ANKIB1: variants seen among roughly 807,000 people sequenced by gnomAD.
ANKIB1 encodes the protein ankyrin repeat and IBR domain containing 1.
In ANKIB1, 43 loss-of-function variants were observed where a neutral mutation model predicts 122.1. The observed-to-expected ratio is 0.35, with a 90% CI of 0.28 to 0.45. The LOEUF (loss-of-function observed/expected upper bound fraction) is 0.45. ANKIB1 is among the 20% of genes least tolerant of loss of function. The probability of loss-of-function intolerance (pLI) is 1.00; values close to 1 mark genes in which losing one functional copy is unlikely to be tolerated. For synonymous variants in ANKIB1, 390 were observed against 442.0 expected (o/e 0.88, Z 1.48); for missense variants, 992 against 1,329.5 (o/e 0.75, Z 3.95).
chr7:92,377,799 A>T (rs1804417575), intron 11 of ANKIB1, among the ~76,000 whole-genome samples: 1 of 152,162 alleles, frequency 6.6e-6, no homozygotes, highest in Non-Finnish European at 1.5e-5. Context: ...ACCCATTCCC[A>T]TAGAAGGGGA....
intron 1 of ANKIB1, among the ~76,000 whole-genome samples, chr7:92,274,637 T>C (rs1801862680): frequency 2.6e-5 from 4 of 151,938 alleles, no homozygotes; most frequent in Non-Finnish European, 5.9e-5. Flanking sequence ...GAGAATCTGG[T>C]CATTCTTAAC....
At chr7:92,372,657 G>C (rs1804297247) in intron 11 of ANKIB1, among the ~76,000 whole-genome samples, 1 of 152,120 alleles carries the variant, frequency 6.6e-6, no homozygotes, top group Non-Finnish European at 1.5e-5. Context: ...GGTCAAAAAG[G>C]CTAGATAGAA....
In ANKIB1 at chr7:92,245,995, C is replaced by G. The variant is rs557209996; in HGVS notation, c.-615C>G. On this transcript the variant is annotated 5_prime_UTR_variant, in exon 1 of 20. Transcript: ENST00000265742. Reference sequence around the variant, plus strand: ...TTCCGGGTCGGCGGCCGGGCTGCTGCCGTTCCTGCTCCTTTTCACTGGACC... The same window carrying G: ...TTCCGGGTCGGCGGCCGGGCTGCTGGCGTTCCTGCTCCTTTTCACTGGACC... 4.2e-6 allele frequency: 1 copy of G among 235,620 alleles called. No homozygotes were observed. The highest frequency in any genetic ancestry group is 8.4e-6 in the Non-Finnish European group (1 of 119,450). The allele number at this position is 235,620 out of a possible 1,614,324, so 14.6% of individuals were successfully genotyped here.
intron 1 of ANKIB1, among the ~76,000 whole-genome samples, chr7:92,256,184 A>C (rs1352586659): frequency 6.6e-6 from 1 of 152,200 alleles, no homozygotes. Context: ...ACAACATTCT[A>C]GGAGCTTTAG....
chr7:92,309,962 T>TATATAAAA (rs1030276754), intron 3 of ANKIB1, among the ~76,000 whole-genome samples: 2 of 139,414 alleles, frequency 1.4e-5, no homozygotes, highest in African/African-American at 5.3e-5. Context: ...TATATATATA[T>TATATAAAA]AAATTAAATG....
At chr7:92,270,551 T>C (rs1801764651) in intron 1 of ANKIB1, among the ~76,000 whole-genome samples, 1 of 152,084 alleles carries the variant, frequency 6.6e-6, no homozygotes, top group Non-Finnish European at 1.5e-5. Context: ...ATGGACATAT[T>C]TGGATATACA....
chr7:92,358,966 T>C (rs1361742463), intron 9 of ANKIB1, among the ~76,000 whole-genome samples: 3 of 152,250 alleles, frequency 2.0e-5, no homozygotes, highest in African/African-American at 7.2e-5. Flanking sequence ...CTTACTCTGA[T>C]GTCTGCTAGC....
At position 92,246,354 on chromosome 7, in the gene ANKIB1, G is replaced by A. The variant is rs1238791016; in HGVS notation, c.-256G>A. Reference sequence around the variant, plus strand: ...CGCACCCTCGGCCACATCAGCCTCCGCCTGGCGGGTGCACCCGGGCCGGCG... The same window carrying A: ...CGCACCCTCGGCCACATCAGCCTCCACCTGGCGGGTGCACCCGGGCCGGCG... On this transcript the variant is annotated 5_prime_UTR_variant, in exon 1 of 20. Transcript: ENST00000265742. 6.6e-6 allele frequency: 3 copies of A among 454,602 alleles called. No individual in the cohort carries two copies. Among genetic ancestry groups the A allele is most frequent in the Admixed American group, 4.7e-5 (2 of 42,264 alleles). The allele number at this position is 454,602 out of a possible 1,614,324, so 28.2% of individuals were successfully genotyped here. A position where few individuals can be genotyped will look rare whatever the true frequency, so the allele number is the denominator to read the frequency against.
intron 1 of ANKIB1, among the ~76,000 whole-genome samples, chr7:92,286,658 T>C (rs1802135033): frequency 6.6e-6 from 1 of 152,110 alleles, no homozygotes; most frequent in Non-Finnish European, 1.5e-5. Context: ...TTTGTATTTT[T>C]AGTAGAGATG....
intron 17 of ANKIB1, chr7:92,396,117 G>A: frequency 6.2e-6 from 3 of 480,586 alleles, no homozygotes; most frequent in Non-Finnish European, 1.1e-5. Context: ...CTGTTCTAAT[G>A]TAGCACTGGG....
At chr7:92,253,414 A>G (rs1410657979) in intron 1 of ANKIB1, among the ~76,000 whole-genome samples, 1 of 152,148 alleles carries the variant, frequency 6.6e-6, no homozygotes, top group Non-Finnish European at 1.5e-5. Flanking sequence ...CACTGGGCCT[A>G]TGACTCTGTG....
intron 1 of ANKIB1, among the ~76,000 whole-genome samples, chr7:92,288,013 G>A (rs561631402): frequency 2.3e-4 from 34 of 144,784 alleles, no homozygotes; most frequent in African/African-American, 8.7e-4. Flanking sequence ...TCCAGCCTGG[G>A]CGACAGAGCA....
At chr7:92,253,050 A>G (rs549057215) in intron 1 of ANKIB1, among the ~76,000 whole-genome samples, 83 of 152,342 alleles carry the variant, frequency 5.4e-4, no homozygotes, top group African/African-American at 1.9e-3. Flanking sequence ...GTTTGTATAC[A>G]CACACATAGG....
rs1157444906 is a variant in ANKIB1 at position 92,246,358 on chromosome 7, G to C, written c.-252G>C. The C allele has an allele frequency of 2.2e-6, 1 of 459,448 alleles. No homozygotes were observed. 28.5% of individuals were successfully genotyped at this position (459,448 alleles called of 1,614,324 possible). A position where few individuals can be genotyped will look rare whatever the true frequency, so the allele number is the denominator to read the frequency against. ...CCCTCGGCCACATCAGCCTCCGCCT[G>C]GCGGGTGCACCCGGGCCGGCGAGGA... On this transcript the variant is annotated 5_prime_UTR_variant, in exon 1 of 20. Transcript: ENST00000265742.
Position 92,303,798 on chromosome 7 carries a change from G to A in ANKIB1, c.189-3561G>A, listed in dbSNP as rs977989702. On this transcript the variant is annotated intron_variant, in intron 2 of 19. Transcript: ENST00000265742. ...ATAAGTTAGCTCTTAGGAAATTCCT[G>A]GTTACATGAGAGAGTGAAACTTCCA... Among the ~76,000 whole-genome samples, 12 of 152,264 alleles carry A rather than the reference G, an allele frequency of 7.9e-5. 1 individual carries two copies. The highest frequency in any genetic ancestry group is 3.9e-4 in the Admixed American group (6 of 15,296).
chr7:92,342,953 G>A, intron 5 of ANKIB1, 71 bp from the exon 6 acceptor site: 1 of 1,391,662 alleles, frequency 7.2e-7, no homozygotes, highest in Non-Finnish European at 1.0e-6. Flanking sequence ...TCATATTTTT[G>A]TTATTATATA....
Position 92,295,460 on chromosome 7 carries a change from A to G in ANKIB1, c.188+294A>G, listed in dbSNP as rs530327608. Among the ~76,000 whole-genome samples the G allele has an allele frequency of 7.2e-5, 11 of 152,270 alleles. No homozygotes were observed. The South Asian group carries it at 1.7e-3, about 23-fold the overall frequency. On this transcript the variant is annotated intron_variant, in intron 2 of 19. Coordinates refer to ENST00000265742, the MANE Select transcript of ANKIB1 (RefSeq NM_019004.2). ...GGTTGGTTCATGTGTTCTTGTTGCTATAAATATATTTTGATCCTCATTATG... is the reference window on the plus strand; with the variant it reads ...GGTTGGTTCATGTGTTCTTGTTGCTGTAAATATATTTTGATCCTCATTATG...
intron 7 of ANKIB1, among the ~76,000 whole-genome samples, chr7:92,348,421 C>T (rs937464501): frequency 4.7e-5 from 7 of 149,486 alleles, no homozygotes; most frequent in Non-Finnish European, 4.4e-5. Flanking sequence ...AGTCTCGCTC[C>T]GTCACCCAGG....
At chr7:92,280,944 G>A (rs1168228269) in intron 1 of ANKIB1, among the ~76,000 whole-genome samples, 1 of 152,032 alleles carries the variant, frequency 6.6e-6, no homozygotes, top group Non-Finnish European at 1.5e-5. Context: ...CTTTTTTCAG[G>A]TGTCCTCAAG....
Sources: allele counts gnomAD v4.1 joint callset (sites outside exome capture counted in the v4.1 genomes callset), GRCh38; gene constraint gnomAD v4.1.1; transcripts MANE v1.5; gene names NCBI Gene and HGNC (gene_info 2026-07-23, HGNC 2026-07-21).